Variants in TNFRSF13B observed in about 807,000 individuals in gnomAD.
The protein encoded by TNFRSF13B is tumor necrosis factor receptor superfamily member 13B.
Under a neutral mutation model 24.0 loss-of-function variants are expected in TNFRSF13B, and 34 were observed. That is an observed-to-expected ratio of 1.41 (90% CI 1.08 to 1.88). TNFRSF13B has a LOEUF of 1.88. Among genes scored for constraint, TNFRSF13B ranks in the 40% most tolerant of loss-of-function variants. The pLI, the probability that TNFRSF13B is intolerant of heterozygous loss-of-function variation, is 0.00. For synonymous variants in TNFRSF13B, 173 were observed against 150.3 expected, an observed-to-expected ratio of 1.15 and a Z score of -1.10; for missense variants, 415 against 380.8, an observed-to-expected ratio of 1.09 and a Z score of -0.75.
chr17:16,952,552 C>G lies in TNFRSF13B; in HGVS notation c.93G>C (p.Met31Ile), dbSNP rs745349768. ...FPQGLWTGVA[M>I]RSCPEEQYWD... is the part of the protein sequence containing the mutation. Reference sequence around the variant, plus strand: ...AGTACTGCTCTTCGGGGCAGGATCTCATAGCCACCCCCGTCCACAGGCCCT... The same window carrying G: ...AGTACTGCTCTTCGGGGCAGGATCTGATAGCCACCCCCGTCCACAGGCCCT... The change falls in exon 2 of 5, where the codon ATG (methionine) becomes ATC (isoleucine). Residue 31 changes from methionine to isoleucine, a missense_variant. By Grantham distance (10) the Met-to-Ile change is conservative. Coordinates refer to ENST00000261652, the MANE Select transcript of TNFRSF13B (RefSeq NM_012452.3). 2 of 1,614,248 alleles carry G rather than the reference C, an allele frequency of 1.2e-6. No homozygotes were observed. Among genetic ancestry groups the G allele is most frequent in the South Asian group, 2.2e-5 (2 of 91,086 alleles).
intron 2 of TNFRSF13B, among the ~76,000 whole-genome samples, chr17:16,951,953 G>A (rs2087591973): frequency 6.6e-6 from 1 of 152,124 alleles, no homozygotes; most frequent in Admixed American, 6.5e-5. Flanking sequence ...AAAAAAATTG[G>A]TTGGGAAAGT....
intron 4 of TNFRSF13B, 82 bp from the exon 5 acceptor site, chr17:16,939,879 C>A (rs949952488): frequency 1.4e-6 from 2 of 1,468,270 alleles, no homozygotes; most frequent in Non-Finnish European, 9.0e-7. Flanking sequence ...GCCGCACTCT[C>A]CCCCGACCCA....
At chr17:16,947,571 TGCAA>T (rs1415554191) in intron 3 of TNFRSF13B, among the ~76,000 whole-genome samples, 1 of 152,052 alleles carries the variant, frequency 6.6e-6, no homozygotes, top group Non-Finnish European at 1.5e-5. Flanking sequence ...AAAGAAGACA[TGCAA>T]GCAGCCAACA....
At position 16,955,296 on chromosome 17, in the gene TNFRSF13B, C is replaced by T. The variant is rs145374362; in HGVS notation, c.62-2713G>A. ...CAGACACCTGGTGCCAACGAAGACA[C>T]GCGGGAAACAGAAGAGCATTTTAAA... On this transcript the variant is annotated intron_variant, in intron 1 of 4. Coordinates refer to ENST00000261652, the MANE Select transcript of TNFRSF13B (RefSeq NM_012452.3). Among the ~76,000 whole-genome samples the T allele has an allele frequency of 1.9e-4, 29 of 152,250 alleles. No individual in the cohort carries two copies. In the East Asian group the frequency reaches 4.6e-3, roughly 24 times the overall value.
At chr17:16,944,526 C>T (rs1245113746) in intron 3 of TNFRSF13B, among the ~76,000 whole-genome samples, 2 of 152,196 alleles carry the variant, frequency 1.3e-5, no homozygotes, top group Non-Finnish European at 2.9e-5. Context: ...GCACCCCAGC[C>T]TGCCCTAAAG....
At chr17:16,953,364 G>A (rs561187756) in intron 1 of TNFRSF13B, among the ~76,000 whole-genome samples, 2 of 152,316 alleles carry the variant, frequency 1.3e-5, no homozygotes, top group East Asian at 3.9e-4. Flanking sequence ...AATGATGTGT[G>A]TAAAGTGCAC....
rs766106659 is a variant in TNFRSF13B at position 16,940,528 on chromosome 17, G to C, written c.446-17C>G. The stretch of plus-strand genomic sequence containing the variant: ...CCGGGAGAGCTGCAAGACAGCATGA[G>C]ACCCCTCTCTGCAGTGCCTTCTTCT... On this transcript the variant is annotated splice_polypyrimidine_tract_variant and intron_variant, in intron 3 of 4. Coordinates refer to ENST00000261652, the MANE Select transcript of TNFRSF13B (RefSeq NM_012452.3). 3.1e-6 allele frequency: 5 copies of C among 1,611,716 alleles called. No individual in the cohort carries two copies. The East Asian group carries it at 1.1e-4, about 36-fold the overall frequency.
intron 2 of TNFRSF13B, among the ~76,000 whole-genome samples, chr17:16,951,602 A>C (rs2087588960): frequency 6.6e-6 from 1 of 152,184 alleles, no homozygotes; most frequent in South Asian, 2.1e-4. Context: ...AAAATACACA[A>C]GGCAGGCTGG....
At chr17:16,965,006 A>G (rs956962895) in intron 1 of TNFRSF13B, among the ~76,000 whole-genome samples, 1 of 152,200 alleles carries the variant, frequency 6.6e-6, no homozygotes, top group Non-Finnish European at 1.5e-5. Context: ...TACTGGTATA[A>G]TAACTACCAG....
At chr17:16,948,222 A>G (rs186069642) in intron 3 of TNFRSF13B, among the ~76,000 whole-genome samples, 1 of 152,130 alleles carries the variant, frequency 6.6e-6, no homozygotes, top group African/African-American at 2.4e-5. Flanking sequence ...GGGCTGAAAA[A>G]CTACCTATTG....
chr17:16,946,588 A>ATTTT (rs1170823751), intron 3 of TNFRSF13B, among the ~76,000 whole-genome samples: 1 of 116,980 alleles, frequency 8.5e-6, no homozygotes, highest in African/African-American at 3.0e-5. Flanking sequence ...TTATTTATTT[A>ATTTT]TTTATTTATT....
chr17:16,947,249 C>T (rs1020405448), intron 3 of TNFRSF13B, among the ~76,000 whole-genome samples: 1 of 152,106 alleles, frequency 6.6e-6, no homozygotes, highest in South Asian at 2.1e-4. Flanking sequence ...CTATAAGAAT[C>T]CTAGAGAAAT....
intron 1 of TNFRSF13B, among the ~76,000 whole-genome samples, chr17:16,962,316 G>A (rs1292343147): frequency 6.6e-6 from 1 of 152,162 alleles, no homozygotes; most frequent in Non-Finnish European, 1.5e-5. Context: ...AGACCAGCCT[G>A]GCCAATATGG....
intron 1 of TNFRSF13B, among the ~76,000 whole-genome samples, chr17:16,953,501 GC>G (rs1287936498): frequency 6.6e-6 from 1 of 152,146 alleles, no homozygotes; most frequent in African/African-American, 2.4e-5. Context: ...GACACCCAAT[GC>G]CCATGCCTAG....
At chr17:16,962,260 A>G (rs886758715) in intron 1 of TNFRSF13B, among the ~76,000 whole-genome samples, 4 of 152,296 alleles carry the variant, frequency 2.6e-5, no homozygotes, top group Non-Finnish European at 5.9e-5. Context: ...TTCTCCAATC[A>G]CTTTGGGAGA....
chr17:16,945,506 G>C (rs2087541528), intron 3 of TNFRSF13B, among the ~76,000 whole-genome samples: 1 of 152,222 alleles, frequency 6.6e-6, no homozygotes, highest in African/African-American at 2.4e-5. Context: ...CTCCAAATTT[G>C]AGACTCACTC....
At chr17:16,959,896 G>A (rs1424985298) in intron 1 of TNFRSF13B, among the ~76,000 whole-genome samples, 2 of 152,128 alleles carry the variant, frequency 1.3e-5, no homozygotes, top group Non-Finnish European at 2.9e-5. Context: ...ATTTAAAAAA[G>A]AATGAACACC....
chr17:16,942,525 G>T (rs940091889), intron 3 of TNFRSF13B, among the ~76,000 whole-genome samples: 1 of 152,132 alleles, frequency 6.6e-6, no homozygotes, highest in Non-Finnish European at 1.5e-5. Context: ...GCTCAGAGAG[G>T]CCTAACGGAG....
intron 1 of TNFRSF13B, among the ~76,000 whole-genome samples, chr17:16,963,847 G>A (rs530836062): frequency 6.6e-6 from 1 of 152,230 alleles, no homozygotes; most frequent in African/African-American, 2.4e-5. Flanking sequence ...ACAGAGCCCG[G>A]CCTTTCTCAT....
Sources: allele counts gnomAD v4.1 joint callset (sites outside exome capture counted in the v4.1 genomes callset), GRCh38; gene constraint gnomAD v4.1.1; transcripts MANE v1.5; gene names NCBI Gene and HGNC (gene_info 2026-07-23, HGNC 2026-07-21).